MCUB: variants seen among roughly 807,000 people sequenced by gnomAD.
The protein encoded by MCUB is mitochondrial calcium uniporter dominant negative subunit beta.
In MCUB, 46 loss-of-function variants were observed where a neutral mutation model predicts 41.4. The ratio of observed to expected loss-of-function variants is 1.11; its 90% CI spans 0.88 to 1.42. The LOEUF (loss-of-function observed/expected upper bound fraction) is 1.42. MCUB is among the 40% of genes most tolerant of loss of function. MCUB has a pLI of 0.00. For synonymous variants in MCUB, 148 were observed against 148.2 expected (o/e 1.00, Z 0.01); for missense variants, 403 against 404.9 (o/e 1.00, Z 0.04).
intron 1 of MCUB, among the ~76,000 whole-genome samples, chr4:109,587,492 T>A (rs557968039): frequency 6.6e-6 from 1 of 152,346 alleles, no homozygotes; most frequent in Admixed American, 6.5e-5. Context: ...CCCAATGAGA[T>A]GAGCCAGGTA....
At position 109,656,354 on chromosome 4, in the gene MCUB, C is replaced by CTTTTTTTT. The variant is rs752851425; in HGVS notation, c.100-2626_100-2619dup. On this transcript the variant is annotated intron_variant, in intron 1 of 7. Coordinates refer to ENST00000394650, the MANE Select transcript of MCUB (RefSeq NM_017918.5). The stretch of plus-strand genomic sequence containing the variant: ...GAGGGGCTCTAACTTTTACTCTCTA[C>CTTTTTTTT]TTTTTTTTTTTTTTTTTTTTTTTTT... Among the ~76,000 whole-genome samples the CTTTTTTTT allele has an allele frequency of 4.5e-4, 28 of 62,114 alleles. 5 individuals carry two copies. Among genetic ancestry groups the CTTTTTTTT allele is most frequent in the East Asian group, 1.3e-3 (2 of 1,552 alleles). 40.7% of individuals were successfully genotyped at this position (62,114 alleles called of 152,430 possible). A position where few individuals can be genotyped will look rare whatever the true frequency, so the allele number is the denominator to read the frequency against.
intron 1 of MCUB, among the ~76,000 whole-genome samples, chr4:109,616,130 A>G (rs577082544): frequency 1.4e-4 from 22 of 152,358 alleles, no homozygotes; most frequent in African/African-American, 4.8e-4. Context: ...TTCTCATTCA[A>G]TACACATTTG....
intron 1 of MCUB, among the ~76,000 whole-genome samples, chr4:109,605,833 A>G (rs769827302): frequency 5.9e-5 from 9 of 152,108 alleles, no homozygotes; most frequent in Non-Finnish European, 1.2e-4. Context: ...TTTGTCCCAT[A>G]TAACTACTCC....
chr4:109,574,792 C>T (rs1726991817), intron 1 of MCUB, among the ~76,000 whole-genome samples: 1 of 152,052 alleles, frequency 6.6e-6, no homozygotes, highest in African/African-American at 2.4e-5. Context: ...GAGACAGAGC[C>T]GGACTGGTCA....
intron 1 of MCUB, among the ~76,000 whole-genome samples, chr4:109,642,280 G>A (rs925156253): frequency 1.3e-5 from 2 of 152,136 alleles, no homozygotes; most frequent in African/African-American, 4.8e-5. Flanking sequence ...AATGATATCT[G>A]TGGAATACTA....
chr4:109,666,673 A>G (rs797000757), intron 4 of MCUB, among the ~76,000 whole-genome samples: 41 of 152,164 alleles, frequency 2.7e-4, no homozygotes, highest in African/African-American at 9.6e-4. Context: ...TATGTTTGGG[A>G]TAACGGTCTT....
At chr4:109,661,798 C>T (rs923407942) in intron 3 of MCUB, among the ~76,000 whole-genome samples, 3 of 151,952 alleles carry the variant, frequency 2.0e-5, no homozygotes, top group African/African-American at 4.8e-5. Context: ...TTTGGGAGGC[C>T]GAGGTGGGTG....
chr4:109,566,884 A>T (rs532350219), intron 1 of MCUB, among the ~76,000 whole-genome samples: 1 of 152,268 alleles, frequency 6.6e-6, no homozygotes, highest in African/African-American at 2.4e-5. Flanking sequence ...TATATAGCAG[A>T]TGTTAGTTAG....
At chr4:109,568,069 C>T (rs971864407) in intron 1 of MCUB, among the ~76,000 whole-genome samples, 1 of 149,420 alleles carries the variant, frequency 6.7e-6, no homozygotes, top group African/African-American at 2.6e-5. Context: ...TGACCATAAA[C>T]CTGGGGGGGA....
chr4:109,569,298 G>A (rs1220629248), intron 1 of MCUB, among the ~76,000 whole-genome samples: 1 of 151,904 alleles, frequency 6.6e-6, no homozygotes, highest in Non-Finnish European at 1.5e-5. Context: ...CGCCCGTCTC[G>A]GCCTCCCAAA....
intron 1 of MCUB, among the ~76,000 whole-genome samples, chr4:109,587,625 A>G (rs1186111310): frequency 1.3e-5 from 2 of 152,240 alleles, no homozygotes; most frequent in Non-Finnish European, 2.9e-5. Context: ...TTAAAAAATT[A>G]CTTTTACAGG....
chr4:109,577,312 T>A (rs1199372876), intron 1 of MCUB, among the ~76,000 whole-genome samples: 1 of 152,236 alleles, frequency 6.6e-6, no homozygotes, highest in Non-Finnish European at 1.5e-5. Context: ...CAGTTTTTAA[T>A]ACCAGCAGCT....
intron 1 of MCUB, among the ~76,000 whole-genome samples, chr4:109,656,792 T>C (rs1729113682): frequency 6.6e-6 from 1 of 152,240 alleles, no homozygotes; most frequent in African/African-American, 2.4e-5. Flanking sequence ...TTGCTAAAAG[T>C]AGTAGACGGT....
chr4:109,568,097 T>C (rs112079518), intron 1 of MCUB, among the ~76,000 whole-genome samples: 12,154 of 151,960 alleles, frequency 0.08, 1,434 homozygotes, highest in African/African-American at 0.26. Context: ...TTTTAGAGAG[T>C]GTTTTGCAAA....
intron 1 of MCUB, among the ~76,000 whole-genome samples, chr4:109,607,118 ATTATAGTG>A (rs1416262498): frequency 6.6e-6 from 1 of 152,114 alleles, no homozygotes; most frequent in Non-Finnish European, 1.5e-5. Context: ...ACACCACACA[ATTATAGTG>A]TTATAATATT....
At position 109,582,505 on chromosome 4, in the gene MCUB, C is replaced by T. The variant is rs1727204562; in HGVS notation, c.99+22069C>T. ...CAAACCTGCACGTGGGGCACATGTACCCTAAAACTTAAAGTATAATAATAA... is the reference window on the plus strand; with the variant it reads ...CAAACCTGCACGTGGGGCACATGTATCCTAAAACTTAAAGTATAATAATAA... On this transcript the variant is annotated intron_variant, in intron 1 of 7. Transcript: ENST00000394650. Among the ~76,000 whole-genome samples the T allele has an allele frequency of 2.0e-5, 3 of 149,990 alleles. No homozygotes were observed. In the South Asian group the frequency reaches 6.4e-4, roughly 32 times the overall value.
intron 1 of MCUB, among the ~76,000 whole-genome samples, chr4:109,603,513 G>A (rs572635324): frequency 1.1e-4 from 17 of 151,122 alleles, no homozygotes; most frequent in Non-Finnish European, 1.8e-4. Flanking sequence ...CTGCCCGGCC[G>A]CCACCCCGTC....
At chr4:109,645,811 C>T (rs72900761) in intron 1 of MCUB, among the ~76,000 whole-genome samples, 5,692 of 152,218 alleles carry the variant, frequency 0.037, 370 homozygotes, top group African/African-American at 0.13. Flanking sequence ...TGCAGTACAG[C>T]GGTCTTCCTC....
chr4:109,629,063 TTA>T (rs1728420897), intron 1 of MCUB, among the ~76,000 whole-genome samples: 5 of 152,288 alleles, frequency 3.3e-5, no homozygotes, highest in Admixed American at 6.5e-5. Context: ...GAAATTTAGA[TTA>T]TGTTTTCTTC....
Sources: allele counts gnomAD v4.1 joint callset (sites outside exome capture counted in the v4.1 genomes callset), GRCh38; gene constraint gnomAD v4.1.1; transcripts MANE v1.5; gene names NCBI Gene and HGNC (gene_info 2026-07-23, HGNC 2026-07-21).